Variants in TFPI observed in about 807,000 individuals in gnomAD.
TFPI encodes anti-convertin.
In TFPI, 15 loss-of-function variants were observed where a neutral mutation model predicts 34.6. That is an observed-to-expected ratio of 0.43 (90% CI 0.29 to 0.67). The LOEUF (loss-of-function observed/expected upper bound fraction) is 0.67. Ranked by LOEUF, TFPI falls within the 30% of genes least tolerant of loss-of-function variation. TFPI has a pLI of 0.15. For synonymous variants in TFPI, 105 were observed against 120.1 expected (o/e 0.87, Z 0.82); for missense variants, 301 against 364.0 (o/e 0.83, Z 1.41).
chr2:187,515,810 T>A (rs1323295924), intron 1 of TFPI: 3 of 152,174 alleles, frequency 2.0e-5, no homozygotes, highest in African/African-American at 7.2e-5. Flanking sequence ...TGCTATTCTA[T>A]ACAAGGTATA....
chr2:187,469,789 G>C (rs1691929091), intron 6 of TFPI, among the ~76,000 whole-genome samples: 1 of 152,102 alleles, frequency 6.6e-6, no homozygotes, highest in Non-Finnish European at 1.5e-5. Flanking sequence ...ATGTGTGCTA[G>C]ACATTCTAGA....
At chr2:187,520,595 A>G (rs1687316683) in intron 1 of TFPI, 1 of 152,176 alleles carries the variant, frequency 6.6e-6, no homozygotes, top group Non-Finnish European at 1.5e-5. Flanking sequence ...CTATTCGGCC[A>G]TCTTGCCAGC....
chr2:187,520,924 A>G (rs952553629), intron 1 of TFPI, among the ~76,000 whole-genome samples: 1 of 152,068 alleles, frequency 6.6e-6, no homozygotes, highest in Non-Finnish European at 1.5e-5. Flanking sequence ...AGCTCCATCA[A>G]TATGAGTTTT....
At chr2:187,467,635 A>T in intron 7 of TFPI, 118 bp downstream of exon 7, 1 of 899,220 alleles carries the variant, frequency 1.1e-6, no homozygotes, top group Non-Finnish European at 1.5e-6. Context: ...GACATTTATT[A>T]GCTAGATTAT....
At chr2:187,545,890 C>T (rs1374463360) in intron 1 of TFPI, among the ~76,000 whole-genome samples, 1 of 151,772 alleles carries the variant, frequency 6.6e-6, no homozygotes, top group Non-Finnish European at 1.5e-5. Context: ...TACCAAATAA[C>T]AGGAAATATT....
At chr2:187,478,969 TA>T in intron 6 of TFPI, among the ~76,000 whole-genome samples, 1 of 152,086 alleles carries the variant, frequency 6.6e-6, no homozygotes, top group Non-Finnish European at 1.5e-5. Flanking sequence ...ACACAATATC[TA>T]ATAGTACAAG....
At chr2:187,524,723 T>TACA (rs1357827975) in intron 1 of TFPI, among the ~76,000 whole-genome samples, 3 of 152,238 alleles carry the variant, frequency 2.0e-5, no homozygotes, top group African/African-American at 7.2e-5. Context: ...GTGTCTTGTA[T>TACA]TGCTTTTCAT....
At chr2:187,490,710 A>G (rs968549047) in intron 3 of TFPI, among the ~76,000 whole-genome samples, 9 of 151,722 alleles carry the variant, frequency 5.9e-5, no homozygotes, top group East Asian at 1.9e-4. Flanking sequence ...GGACCATTAA[A>G]TTTTAATTTA....
intron 6 of TFPI, among the ~76,000 whole-genome samples, chr2:187,476,311 A>G (rs1692374282): frequency 6.6e-6 from 1 of 152,110 alleles, no homozygotes; most frequent in African/African-American, 2.4e-5. Context: ...TGTCCCTAGA[A>G]GAGGCAGAGT....
chr2:187,522,740 A>C (rs1687460254), intron 1 of TFPI, among the ~76,000 whole-genome samples: 1 of 149,070 alleles, frequency 6.7e-6, no homozygotes, highest in South Asian at 2.1e-4. Context: ...AAAAAAAAAA[A>C]AAAACCCAGG....
rs1689195681 is a variant in TFPI, at chr2:187,554,317, A to T, written c.-120T>A. 6.6e-6 allele frequency: 1 copy of T among 152,172 alleles called. No individual in the cohort carries two copies. 9.4% of individuals were successfully genotyped at this position (152,172 alleles called of 1,614,324 possible). A position where few individuals can be genotyped will look rare whatever the true frequency, so the allele number is the denominator to read the frequency against. ...TTATCTTCTCTACTTCTTCTTTTAG[A>T]AGCAGATCAAGAAACTGGCGATTGA... On this transcript the variant is annotated 5_prime_UTR_variant, in exon 1 of 8. Transcript: ENST00000233156.
chr2:187,484,163 A>G lies in TFPI; in HGVS notation c.589T>C (p.Ser197Pro), dbSNP rs1693082021. The G allele has an allele frequency of 6.2e-7, 1 of 1,612,498 alleles. No individual in the cohort carries two copies. Among genetic ancestry groups the G allele is most frequent in the Non-Finnish European group, 8.5e-7 (1 of 1,178,868 alleles). The change falls in exon 6 of 8, where the codon TCC becomes CCC. Residue 197 changes from serine (S) to proline (P), a missense_variant. Transcript: ENST00000233156. ...YGTQLNAVNN[S>P]LTPQSTKVPS... ...ACCTTGGTTGATTGCGGAGTCAGGG[A>G]GTTATTCACAGCATTGAGCTGGGTT...
intron 1 of TFPI, among the ~76,000 whole-genome samples, chr2:187,545,521 T>A (rs985688895): frequency 6.6e-6 from 1 of 152,120 alleles, no homozygotes; most frequent in African/African-American, 2.4e-5. Flanking sequence ...TACATTTACA[T>A]ATTGGCAATG....
intron 1 of TFPI, among the ~76,000 whole-genome samples, chr2:187,528,824 G>A (rs1452744860): frequency 2.0e-5 from 3 of 150,914 alleles, no homozygotes; most frequent in African/African-American, 7.3e-5. Context: ...TTTAATCACT[G>A]CTCTATGCTG....
chr2:187,551,593 A>G lies in TFPI; in HGVS notation c.-3+2607T>C, dbSNP rs533409532. ...GCCCCCGGAATTGATACATAACACC[A>G]AGAAAGCAGTCAGTGAGGATTTCAG... On this transcript the variant is annotated intron_variant, in intron 1 of 7. Coordinates refer to ENST00000233156, the MANE Select transcript of TFPI (RefSeq NM_006287.6). Among the ~76,000 whole-genome samples the G allele has an allele frequency of 4.6e-5, 7 of 152,202 alleles. No homozygotes were observed. The East Asian group carries it at 1.4e-3, about 29-fold the overall frequency.
At chr2:187,477,232 T>A (rs566727355) in intron 6 of TFPI, among the ~76,000 whole-genome samples, 2 of 152,280 alleles carry the variant, frequency 1.3e-5, no homozygotes, top group African/African-American at 2.4e-5. Context: ...TTGTTTCTCA[T>A]CAGCATTCCT....
chr2:187,541,136 TA>T (rs1688563704), intron 1 of TFPI, among the ~76,000 whole-genome samples: 1 of 152,028 alleles, frequency 6.6e-6, no homozygotes, highest in Non-Finnish European at 1.5e-5. Context: ...GACATAAAAC[TA>T]AAAAGTTATC....
At chr2:187,517,294 T>C (rs1400168658) in intron 1 of TFPI, 1 of 152,330 alleles carries the variant, frequency 6.6e-6, no homozygotes, top group South Asian at 2.1e-4. Flanking sequence ...TGCTATAAAT[T>C]TCCCTCTAAA....
intron 6 of TFPI, among the ~76,000 whole-genome samples, chr2:187,483,723 C>A (rs1693047583): frequency 6.6e-6 from 1 of 151,950 alleles, no homozygotes; most frequent in African/African-American, 2.4e-5. Flanking sequence ...ACACCAGAGA[C>A]CTTGCCTAGT....
Sources: gnomAD v4.1 joint callset for allele counts (sites outside exome capture counted in the v4.1 genomes callset) on GRCh38, gnomAD v4.1.1 for gene constraint, MANE v1.5 for transcripts, NCBI Gene and HGNC (gene_info 2026-07-23, HGNC 2026-07-21) for gene names.